VHL: variants seen among roughly 807,000 people sequenced by gnomAD.
VHL encodes von Hippel-Lindau disease tumor suppressor.
In VHL, 10 loss-of-function variants were observed where a neutral mutation model predicts 19.2. That is an observed-to-expected ratio of 0.52 (90% CI 0.32 to 0.89). VHL has a LOEUF of 0.89. VHL is among the 40% of genes least tolerant of loss of function. VHL has a pLI of 0.03. For synonymous variants in VHL, 167 were observed against 129.5 expected (o/e 1.29, Z -1.97); for missense variants, 328 against 292.7 (o/e 1.12, Z -0.88).
In VHL at chr3:10,153,625, A is replaced by G. The variant is rs1347554681; in HGVS notation, c.*3660A>G. Among the ~76,000 whole-genome samples, 1 of 146,956 alleles carries G rather than the reference A, an allele frequency of 6.8e-6. No individual in the cohort carries two copies. Among genetic ancestry groups the G allele is most frequent in the Non-Finnish European group, 1.5e-5 (1 of 66,092 alleles). ...AGTTTTTTTTTTTTTTTTTTTTTTTAAAGCTGTTTTTTAATACATTAAATG... is the reference window on the plus strand; with the variant it reads ...AGTTTTTTTTTTTTTTTTTTTTTTTGAAGCTGTTTTTTAATACATTAAATG... On this transcript the variant is annotated 3_prime_UTR_variant, in exon 3 of 3. Coordinates refer to ENST00000256474, the MANE Select transcript of VHL (RefSeq NM_000551.4).
Position 10,142,146 on chromosome 3 carries a change from C to G in VHL, c.299C>G (p.Thr100Arg), listed in dbSNP as rs1346874866. Reference protein sequence around the residue: ...NFDGEPQPYPTLPPGTGRRIH... With the variant: ...NFDGEPQPYPRLPPGTGRRIH... Reference sequence around the variant, plus strand: ...GACGGCGAGCCGCAGCCCTACCCAACGCTGCCGCCTGGCACGGGCCGCCGC... The same window carrying G: ...GACGGCGAGCCGCAGCCCTACCCAAGGCTGCCGCCTGGCACGGGCCGCCGC... Residue 100 changes from threonine (T) to arginine (R), a missense_variant, in exon 1 of 3, where the codon ACG becomes AGG. Transcript: ENST00000256474. The G allele has an allele frequency of 6.3e-7, 1 of 1,599,596 alleles. No individual in the cohort carries two copies. Among genetic ancestry groups the G allele is most frequent in the African/African-American group, 1.3e-5 (1 of 74,928 alleles).
Position 10,149,971 on chromosome 3 carries a change from T to C in VHL, c.*6T>C, listed in dbSNP as rs2125130920. 6.2e-7 allele frequency: 1 copy of C among 1,612,476 alleles called. No homozygotes were observed. Among genetic ancestry groups the C allele is most frequent in the East Asian group, 2.2e-5 (1 of 44,846 alleles). On this transcript the variant is annotated 3_prime_UTR_variant, in exon 3 of 3. Transcript: ENST00000256474. ...ATCAACGGATGGGAGATTGAAGATT[T>C]CTGTTGAAACTTACACTGTTTCATC...
In VHL at chr3:10,151,334, C is replaced by T. The variant is rs1034466194; in HGVS notation, c.*1369C>T. ...AGACTTAGATTCATTAACTCAAATT[C>T]AATGCTTCTATCAGACTCAGTTTTT... is the stretch of plus-strand genomic sequence containing the variant. On this transcript the variant is annotated 3_prime_UTR_variant, in exon 3 of 3. Transcript: ENST00000256474. 1.4e-5 allele frequency: 3 copies of T among 214,642 alleles called. No individual in the cohort carries two copies. In the Admixed American group the frequency reaches 1.8e-4, roughly 13 times the overall value. 13.3% of individuals were successfully genotyped at this position (214,642 alleles called of 1,614,324 possible). A position where few individuals can be genotyped will look rare whatever the true frequency, so the allele number is the denominator to read the frequency against.
Position 10,142,127 on chromosome 3 carries a change from G to A in VHL, c.280G>A (p.Glu94Lys), listed in dbSNP as rs5030829. 2 of 1,600,730 alleles carry A rather than the reference G, an allele frequency of 1.2e-6. No homozygotes were observed. The highest frequency in any genetic ancestry group is 1.7e-6 in the Non-Finnish European group (2 of 1,179,656). The change falls in exon 1 of 3, where the codon GAG becomes AAG. Residue 94 changes from glutamate to lysine, a missense_variant. Coordinates refer to ENST00000256474, the MANE Select transcript of VHL (RefSeq NM_000551.4). Reference protein sequence around the residue: ...VLPVWLNFDGEPQPYPTLPPG... With the variant: ...VLPVWLNFDGKPQPYPTLPPG... ...GCCCGTATGGCTCAACTTCGACGGC[G>A]AGCCGCAGCCCTACCCAACGCTGCC...
chr3:10,149,741 C>A (rs2125130377), intron 2 of VHL, 46 bp from the exon 3 acceptor site: 1 of 1,547,052 alleles, frequency 6.5e-7, no homozygotes, highest in Non-Finnish European at 8.9e-7. Flanking sequence ...GTTCCTTGTA[C>A]TGAGACCCTA....
chr3:10,142,324 G>A, intron 1 of VHL, 137 bp downstream of exon 1: 2 of 763,214 alleles, frequency 2.6e-6, no homozygotes, highest in South Asian at 1.7e-5. Context: ...GACGCTGCTC[G>A]TAAGCGTCAG....
rs397516440 is a variant in VHL, at chr3:10,142,166, C to T, written c.319C>T (p.Arg107Cys). 1.9e-6 allele frequency: 3 copies of T among 1,598,694 alleles called. No homozygotes were observed. Among genetic ancestry groups the T allele is most frequent in the South Asian group, 2.2e-5 (2 of 90,970 alleles). Residue 107 changes from arginine to cysteine, a missense_variant, in exon 1 of 3, where the codon CGC becomes TGC. Arg to Cys is a radical substitution (Grantham distance 180). Transcript: ENST00000256474. The part of the protein sequence containing the change: ...PYPTLPPGTG[R>C]RIHSYRGHLW... ...CCCAACGCTGCCGCCTGGCACGGGC[C>T]GCCGCATCCACAGCTACCGAGGTAC...
intron 1 of VHL, 38 bp downstream of exon 1, chr3:10,142,225 G>C (rs1202878197): frequency 6.3e-7 from 1 of 1,581,406 alleles, no homozygotes; most frequent in East Asian, 2.3e-5. Flanking sequence ...CAGCAGGGAC[G>C]ATAGCACGGT....
chr3:10,143,213 A>G (rs1373427634), intron 1 of VHL, among the ~76,000 whole-genome samples: 1 of 151,704 alleles, frequency 6.6e-6, no homozygotes, highest in East Asian at 1.9e-4. Context: ...TCATTGCAAC[A>G]TCTGCCACCT....
In VHL at chr3:10,151,745, C is replaced by G. The variant is rs886057725; in HGVS notation, c.*1780C>G. ...ATGCATCTTTAATTCCTTATCCTAG[C>G]CTTTGGGCACAATTCCTGTGCTCAA... is the stretch of plus-strand genomic sequence containing the variant. On this transcript the variant is annotated 3_prime_UTR_variant, in exon 3 of 3. Transcript: ENST00000256474. The G allele has an allele frequency of 1.9e-5, 4 of 205,468 alleles. No homozygotes were observed. The highest frequency in any genetic ancestry group is 3.0e-5 in the Non-Finnish European group (3 of 100,630). 12.7% of individuals were successfully genotyped at this position (205,468 alleles called of 1,614,324 possible).
Position 10,141,880 on chromosome 3 carries a change from C to G in VHL, c.33C>G (p.Ala11=), listed in dbSNP as rs778674343. MPRRAENWDE[A]EVGAEEAGVE... is the part of the protein sequence containing the mutation. Reference sequence around the variant, plus strand: ...GGAGGGCGGAGAACTGGGACGAGGCCGAGGTAGGCGCGGAGGAGGCAGGCG... The same window carrying G: ...GGAGGGCGGAGAACTGGGACGAGGCGGAGGTAGGCGCGGAGGAGGCAGGCG... Residue 11 remains alanine (A), a synonymous_variant, in exon 1 of 3, where the codon GCC becomes GCG. Transcript: ENST00000256474. 1.3e-6 allele frequency: 2 copies of G among 1,533,304 alleles called. No individual in the cohort carries two copies. The highest frequency in any genetic ancestry group is 1.8e-6 in the Non-Finnish European group (2 of 1,137,840). The allele number at this position is 1,533,304 out of a possible 1,614,324, so 95.0% of individuals were successfully genotyped here.
chr3:10,145,041 A>T (rs1006781921), intron 1 of VHL, among the ~76,000 whole-genome samples: 4 of 151,430 alleles, frequency 2.6e-5, no homozygotes, highest in African/African-American at 9.8e-5. Flanking sequence ...AAAATACAAA[A>T]GTTAGCTGCA....
intron 2 of VHL, among the ~76,000 whole-genome samples, chr3:10,148,965 G>A (rs1230873550): frequency 1.3e-5 from 2 of 151,974 alleles, no homozygotes; most frequent in Admixed American, 6.6e-5. Flanking sequence ...GAGCCACTGC[G>A]CCCAGCCCAC....
At chr3:10,144,496 C>CTTTTTTTTTT (rs34512214) in intron 1 of VHL, among the ~76,000 whole-genome samples, 8 of 116,660 alleles carry the variant, frequency 6.9e-5, no homozygotes, top group African/African-American at 1.7e-4. Context: ...TCTATCTTGT[C>CTTTTTTTTTT]TTTTTTTTTT....
intron 1 of VHL, among the ~76,000 whole-genome samples, chr3:10,144,487 C>CT (rs1416858550): frequency 2.5e-5 from 3 of 119,326 alleles, no homozygotes; most frequent in Non-Finnish European, 4.9e-5. Context: ...CCCTGTCTCT[C>CT]TATCTTGTCT....
At position 10,150,573 on chromosome 3, in the gene VHL, T is replaced by C; in HGVS notation, c.*608T>C. On this transcript the variant is annotated 3_prime_UTR_variant, in exon 3 of 3. Transcript: ENST00000256474. ...GGGGGTGGGAGAGGGGACCTTAAAA[T>C]GTGTACAGTGAACAAATGTCTTAAA... 4.0e-6 allele frequency: 1 copy of C among 246,976 alleles called. No homozygotes were observed. Among genetic ancestry groups the C allele is most frequent in the Non-Finnish European group, 7.9e-6 (1 of 125,800 alleles). The allele number at this position is 246,976 out of a possible 1,614,324, so 15.3% of individuals were successfully genotyped here.
chr3:10,153,594 AT>A lies in VHL; in HGVS notation c.*3632del, dbSNP rs1696473841. On this transcript the variant is annotated 3_prime_UTR_variant, in exon 3 of 3. Transcript: ENST00000256474. Reference sequence around the variant, plus strand: ...GCTCTTAAGAGACGGTGAAGTTCCTATTTCAAGTTTTTTTTTTTTTTTTTTT... The same window carrying A: ...GCTCTTAAGAGACGGTGAAGTTCCTATTCAAGTTTTTTTTTTTTTTTTTTT... 9.8e-6 allele frequency among the ~76,000 whole-genome samples: 1 copy of A among 102,254 alleles called. No homozygotes were observed. The highest frequency in any genetic ancestry group is 1.1e-4 in the Admixed American group (1 of 9,008). 67.1% of individuals were successfully genotyped at this position (102,254 alleles called of 152,430 possible).
intron 2 of VHL, among the ~76,000 whole-genome samples, chr3:10,148,614 T>A (rs62238317): frequency 6.8e-6 from 1 of 146,598 alleles, no homozygotes; most frequent in Non-Finnish European, 1.5e-5. Flanking sequence ...GCGCCCGGCC[T>A]AGATTTTCTA....
chr3:10,142,209 C>G, intron 1 of VHL, 22 bp downstream of exon 1: 1 of 1,593,100 alleles, frequency 6.3e-7, no homozygotes. Flanking sequence ...GCGCTTAGGC[C>G]CGACCCAGCA....
Sources: gnomAD v4.1 joint callset for allele counts (sites outside exome capture counted in the v4.1 genomes callset) on GRCh38, gnomAD v4.1.1 for gene constraint, MANE v1.5 for transcripts, NCBI Gene and HGNC (gene_info 2026-07-23, HGNC 2026-07-21) for gene names.